The following TCERG1L variants were observed in gnomAD, a reference collection of about 807,000 sequenced individuals.
TCERG1L encodes transcription elongation regulator 1-like protein.
TCERG1L carries 37 observed loss-of-function variants against 56.3 expected under a neutral mutation model. The observed-to-expected ratio is 0.66, with a 90% CI of 0.51 to 0.87. TCERG1L has a LOEUF of 0.87. Ranked by LOEUF, TCERG1L falls within the 40% of genes least tolerant of loss-of-function variation. TCERG1L has a pLI of 0.00. For synonymous variants in TCERG1L, 324 were observed against 326.3 expected (o/e 0.99, Z 0.08); for missense variants, 799 against 774.2 (o/e 1.03, Z -0.38).
intron 4 of TCERG1L, among the ~76,000 whole-genome samples, chr10:131,195,341 A>T (rs1009681210): frequency 6.6e-6 from 1 of 152,188 alleles, no homozygotes; most frequent in Non-Finnish European, 1.5e-5. Flanking sequence ...ACAGGGGCAG[A>T]AAGGCCTCGC....
intron 7 of TCERG1L, among the ~76,000 whole-genome samples, chr10:131,144,520 A>G (rs1845773547): frequency 6.6e-6 from 1 of 152,088 alleles, no homozygotes; most frequent in African/African-American, 2.4e-5. Flanking sequence ...CTTAAACATC[A>G]ACTGCACCCT....
intron 3 of TCERG1L, among the ~76,000 whole-genome samples, chr10:131,287,790 C>G (rs1419017125): frequency 6.6e-6 from 1 of 152,154 alleles, no homozygotes; most frequent in Non-Finnish European, 1.5e-5. Flanking sequence ...TTAACTCTTG[C>G]AATAATCTCA....
At chr10:131,292,061 T>C (rs1444651320) in intron 3 of TCERG1L, among the ~76,000 whole-genome samples, 3 of 152,242 alleles carry the variant, frequency 2.0e-5, no homozygotes, top group African/African-American at 7.2e-5. Context: ...TCTCAAAATG[T>C]AAAAGTATAT....
At chr10:131,226,748 G>T (rs1190682922) in intron 4 of TCERG1L, among the ~76,000 whole-genome samples, 1 of 152,230 alleles carries the variant, frequency 6.6e-6, no homozygotes, top group Non-Finnish European at 1.5e-5. Context: ...AAGTGTAAAC[G>T]CCCAACCAAC....
chr10:131,288,630 G>A (rs1846572974), intron 3 of TCERG1L, among the ~76,000 whole-genome samples: 1 of 152,208 alleles, frequency 6.6e-6, no homozygotes, highest in African/African-American at 2.4e-5. Context: ...GCCCTTACTT[G>A]AAGTAGAATC....
At chr10:131,296,656 T>C (rs1287995716) in intron 3 of TCERG1L, among the ~76,000 whole-genome samples, 1 of 152,238 alleles carries the variant, frequency 6.6e-6, no homozygotes, top group Non-Finnish European at 1.5e-5. Context: ...TCAATTTACA[T>C]GAAACTGGGA....
chr10:131,255,910 T>G (rs916876901), intron 4 of TCERG1L, among the ~76,000 whole-genome samples: 4 of 152,248 alleles, frequency 2.6e-5, no homozygotes, highest in Admixed American at 2.0e-4. Flanking sequence ...TGTAGTTGCA[T>G]TCTCAGTAAG....
At chr10:131,180,837 T>TAA (rs60303602) in intron 4 of TCERG1L, among the ~76,000 whole-genome samples, 12 of 150,224 alleles carry the variant, frequency 8.0e-5, no homozygotes, top group South Asian at 2.1e-4. Context: ...AACGTTTTTG[T>TAA]AAAAAAAAAG....
At chr10:131,231,228 ACAGTGATGAAC>A (rs969289463) in intron 4 of TCERG1L, among the ~76,000 whole-genome samples, 2 of 152,184 alleles carry the variant, frequency 1.3e-5, no homozygotes, top group African/African-American at 2.4e-5. Context: ...GAGGGTTGCG[ACAGTGATGAAC>A]CAGCAGGCTC....
chr10:131,246,912 G>A (rs113895350), intron 4 of TCERG1L, among the ~76,000 whole-genome samples: 2,302 of 138,468 alleles, frequency 0.017, 57 homozygotes, highest in African/African-American at 0.056. Flanking sequence ...GCGCCCTCTC[G>A]CCCACGACGC....
At chr10:131,237,962 T>C (rs10829955) in intron 4 of TCERG1L, among the ~76,000 whole-genome samples, 54,494 of 152,100 alleles carry the variant, frequency 0.36, 10,791 homozygotes, top group East Asian at 0.52. Context: ...CCTTTCTGCC[T>C]GCAGAGCCCT....
chr10:131,234,073 T>C (rs1845886148), intron 4 of TCERG1L, among the ~76,000 whole-genome samples: 2 of 152,228 alleles, frequency 1.3e-5, no homozygotes, highest in Non-Finnish European at 2.9e-5. Context: ...CAGATGCCAG[T>C]GCCATGTTCT....
At chr10:131,142,953 T>G (rs1845754603) in intron 7 of TCERG1L, among the ~76,000 whole-genome samples, 1 of 151,406 alleles carries the variant, frequency 6.6e-6, no homozygotes, top group African/African-American at 2.4e-5. Flanking sequence ...CCCTTCAGAG[T>G]GGGAGCGGGA....
rs904300674 is a variant in TCERG1L, at chr10:131,092,559, G to C, written c.*603C>G. The C allele has an allele frequency of 2.6e-5, 4 of 152,512 alleles. No individual in the cohort carries two copies. Among genetic ancestry groups the C allele is most frequent in the Admixed American group, 2.6e-4 (4 of 15,280 alleles). The allele number at this position is 152,512 out of a possible 1,614,324, so 9.4% of individuals were successfully genotyped here. A position where few individuals can be genotyped will look rare whatever the true frequency, so the allele number is the denominator to read the frequency against. ...AAGTAGGACCGGTGGCAACCAACACGGCTCCCTGCTCCAGGCCGGGACGCC... is the reference window on the plus strand; with the variant it reads ...AAGTAGGACCGGTGGCAACCAACACCGCTCCCTGCTCCAGGCCGGGACGCC... On this transcript the variant is annotated 3_prime_UTR_variant, in exon 12 of 12. Coordinates refer to ENST00000368642, the MANE Select transcript of TCERG1L (RefSeq NM_174937.4).
intron 10 of TCERG1L, 132 bp downstream of exon 10, chr10:131,104,133 G>A: frequency 1.6e-6 from 1 of 609,968 alleles, no homozygotes; most frequent in South Asian, 2.1e-5. Context: ...TTGTTCACAA[G>A]CTCGCAAGCC....
At chr10:131,231,731 A>G (rs1845854536) in intron 4 of TCERG1L, among the ~76,000 whole-genome samples, 1 of 152,228 alleles carries the variant, frequency 6.6e-6, no homozygotes, top group Non-Finnish European at 1.5e-5. Context: ...GGGGGAAGTC[A>G]GTGCTAAGAT....
chr10:131,168,882 C>T (rs1454706730), intron 4 of TCERG1L, among the ~76,000 whole-genome samples: 1 of 152,244 alleles, frequency 6.6e-6, no homozygotes, highest in African/African-American at 2.4e-5. Context: ...CCCATACAGC[C>T]ATGACCACCC....
chr10:131,178,080 C>G (rs1265179699), intron 4 of TCERG1L, among the ~76,000 whole-genome samples: 1 of 152,068 alleles, frequency 6.6e-6, no homozygotes, highest in African/African-American at 2.4e-5. Context: ...GTGGGGGGAG[C>G]CTGCGCACTG....
intron 4 of TCERG1L, among the ~76,000 whole-genome samples, chr10:131,257,011 AAG>A (rs1246132517): frequency 7.0e-6 from 1 of 143,602 alleles, no homozygotes; most frequent in Non-Finnish European, 1.5e-5. Context: ...GAAAGAAAGA[AAG>A]AAAGAAAGAA....
Sources: gnomAD v4.1 joint callset for allele counts (sites outside exome capture counted in the v4.1 genomes callset) on GRCh38, gnomAD v4.1.1 for gene constraint, MANE v1.5 for transcripts, NCBI Gene and HGNC (gene_info 2026-07-23, HGNC 2026-07-21) for gene names.